The following KATNIP variants were observed in gnomAD, a reference collection of about 807,000 sequenced individuals.
The protein encoded by KATNIP is katanin-interacting protein.
Under a neutral mutation model 174.0 loss-of-function variants are expected in KATNIP, and 126 were observed. That is an observed-to-expected ratio of 0.72 (90% CI 0.63 to 0.84). The LOEUF is 0.84. Ranked by LOEUF, KATNIP falls within the 40% of genes least tolerant of loss-of-function variation. KATNIP has a pLI of 0.00. For missense variants in KATNIP, 1,958 were observed against 2,109.7 expected, an observed-to-expected ratio of 0.93 and a Z score of 1.41; for synonymous variants, 810 against 835.7, an observed-to-expected ratio of 0.97 and a Z score of 0.53.
chr16:27,697,600 A>G (rs893925625), intron 8 of KATNIP, among the ~76,000 whole-genome samples: 2 of 149,664 alleles, frequency 1.3e-5, no homozygotes, highest in African/African-American at 4.9e-5. Flanking sequence ...TAAAAATTAT[A>G]TATAATTATA....
chr16:27,577,280 G>A (rs923229926), intron 2 of KATNIP, among the ~76,000 whole-genome samples: 2 of 152,184 alleles, frequency 1.3e-5, no homozygotes, highest in Admixed American at 6.5e-5. Flanking sequence ...GGTGGCTCAC[G>A]CCTGTTATCC....
At chr16:27,564,108 G>A (rs1415880669) in intron 1 of KATNIP, among the ~76,000 whole-genome samples, 1 of 151,984 alleles carries the variant, frequency 6.6e-6, no homozygotes, top group Non-Finnish European at 1.5e-5. Context: ...GACGGGGCCT[G>A]GCTTGGAGAG....
At chr16:27,618,363 T>A in intron 2 of KATNIP, 62 bp from the exon 3 acceptor site, 2 of 1,302,226 alleles carry the variant, frequency 1.5e-6, no homozygotes, top group South Asian at 2.4e-5. Context: ...GTGCTGCACC[T>A]GCACTCTCAG....
chr16:27,568,594 AGC>A (rs2090173262), intron 1 of KATNIP, among the ~76,000 whole-genome samples: 2 of 152,050 alleles, frequency 1.3e-5, no homozygotes, highest in South Asian at 2.1e-4. Context: ...CCTCCCGAGT[AGC>A]TAAGACTACA....
intron 1 of KATNIP, among the ~76,000 whole-genome samples, chr16:27,551,668 T>A (rs2089375380): frequency 6.6e-6 from 1 of 152,184 alleles, no homozygotes; most frequent in Admixed American, 6.5e-5. Context: ...GTGGATCACT[T>A]GAGGTCAGGA....
At chr16:27,692,847 C>CTGT in intron 8 of KATNIP, among the ~76,000 whole-genome samples, 1 of 152,354 alleles carries the variant, frequency 6.6e-6, no homozygotes, top group East Asian at 1.9e-4. Context: ...AGCAGCATCT[C>CTGT]ACTCAACCAA....
At chr16:27,563,577 CA>C (rs1250936868) in intron 1 of KATNIP, among the ~76,000 whole-genome samples, 1 of 151,976 alleles carries the variant, frequency 6.6e-6, no homozygotes, top group Non-Finnish European at 1.5e-5. Context: ...AGGAGAGGTC[CA>C]AAATATCCCG....
chr16:27,742,858 T>C (rs968284025), intron 15 of KATNIP, among the ~76,000 whole-genome samples: 3 of 152,164 alleles, frequency 2.0e-5, no homozygotes, highest in Non-Finnish European at 4.4e-5. Context: ...TTTCTTTAAC[T>C]TTTATTTTGG....
intron 1 of KATNIP, among the ~76,000 whole-genome samples, chr16:27,561,498 C>G (rs1030851102): frequency 5.9e-5 from 9 of 152,272 alleles, no homozygotes; most frequent in African/African-American, 1.9e-4. Context: ...TCCCAGCTCC[C>G]ACTTCACTTC....
chr16:27,711,257 G>A (rs1775686591), intron 13 of KATNIP, among the ~76,000 whole-genome samples: 1 of 152,138 alleles, frequency 6.6e-6, no homozygotes, highest in African/African-American at 2.4e-5. Context: ...GATTCTTCTG[G>A]AAAGATTCTT....
At chr16:27,621,435 A>G (rs142439180) in intron 3 of KATNIP, among the ~76,000 whole-genome samples, 213 of 152,250 alleles carry the variant, frequency 1.4e-3, no homozygotes, top group African/African-American at 4.5e-3. Flanking sequence ...CTTCACTTGC[A>G]GTGGCCAAGA....
At chr16:27,694,219 C>T (rs939919885) in intron 8 of KATNIP, among the ~76,000 whole-genome samples, 16 of 152,200 alleles carry the variant, frequency 1.1e-4, no homozygotes, top group African/African-American at 3.9e-4. Flanking sequence ...CTGCCAGTGA[C>T]ATTCTTGATG....
intron 23 of KATNIP, among the ~76,000 whole-genome samples, chr16:27,774,351 C>T (rs1306768084): frequency 6.6e-6 from 1 of 152,220 alleles, no homozygotes; most frequent in African/African-American, 2.4e-5. Flanking sequence ...GAGATCCTCA[C>T]ATCCATCCTG....
At chr16:27,739,313 G>C (rs1034368325) in intron 14 of KATNIP, among the ~76,000 whole-genome samples, 1 of 152,228 alleles carries the variant, frequency 6.6e-6, no homozygotes, top group Non-Finnish European at 1.5e-5. Flanking sequence ...TTTTAAGATA[G>C]GTGAAGACTA....
rs747831047 is a variant in KATNIP, at chr16:27,648,740, G to A, written c.540+5G>A. The A allele has an allele frequency of 6.2e-7, 1 of 1,612,202 alleles. No homozygotes were observed. Among genetic ancestry groups the A allele is most frequent in the Admixed American group, 1.7e-5 (1 of 59,704 alleles). Reference sequence around the variant, plus strand: ...ACTTCTGAGGATCGTCCGCAGGTAGGGATGGCCTTGGCCTTGTGCTCGGGA... The same window carrying A: ...ACTTCTGAGGATCGTCCGCAGGTAGAGATGGCCTTGGCCTTGTGCTCGGGA... On this transcript the variant is annotated splice_donor_5th_base_variant and intron_variant, in intron 6 of 27. Transcript: ENST00000261588.
intron 8 of KATNIP, among the ~76,000 whole-genome samples, chr16:27,682,913 T>G (rs1456419561): frequency 6.6e-6 from 1 of 152,046 alleles, no homozygotes; most frequent in Admixed American, 6.6e-5. Context: ...AGACCTGAGC[T>G]AGCACACTCA....
intron 12 of KATNIP, 104 bp from the exon 13 acceptor site, chr16:27,708,601 C>A (rs1597239444): frequency 3.9e-6 from 3 of 767,932 alleles, no homozygotes; most frequent in East Asian, 2.6e-5. Flanking sequence ...GAGACTGAGA[C>A]CCTGAAGGTT....
intron 2 of KATNIP, among the ~76,000 whole-genome samples, chr16:27,574,831 G>T (rs925239437): frequency 1.3e-5 from 2 of 151,920 alleles, no homozygotes; most frequent in Non-Finnish European, 2.9e-5. Context: ...GATTACAGGC[G>T]TGAGCCACCA....
At chr16:27,670,596 C>T (rs542229832) in intron 6 of KATNIP, among the ~76,000 whole-genome samples, 29 of 152,158 alleles carry the variant, frequency 1.9e-4, no homozygotes, top group Non-Finnish European at 3.8e-4. Context: ...GATGCTCCTC[C>T]GTTGTCTTCC....
Sources: gnomAD v4.1 joint callset for allele counts (sites outside exome capture counted in the v4.1 genomes callset) on GRCh38, gnomAD v4.1.1 for gene constraint, MANE v1.5 for transcripts, NCBI Gene and HGNC (gene_info 2026-07-23, HGNC 2026-07-21) for gene names.